The following AKAP14 variants were observed in gnomAD, a reference collection of about 807,000 sequenced individuals.
AKAP14 encodes A-kinase anchoring protein 14.
A neutral mutation model predicts 17.0 loss-of-function variants in AKAP14; 4 were observed. The observed-to-expected ratio is 0.23, with a 90% CI of 0.12 to 0.54. AKAP14 has a LOEUF of 0.54. Ranked by LOEUF, AKAP14 falls within the 20% of genes least tolerant of loss-of-function variation. The probability of loss-of-function intolerance (pLI) is 0.95; values close to 1 mark genes in which losing one functional copy is unlikely to be tolerated. For synonymous variants in AKAP14, 42 were observed against 51.3 expected, an observed-to-expected ratio of 0.82 and a Z score of 0.77; for missense variants, 129 against 150.9, an observed-to-expected ratio of 0.85 and a Z score of 0.76.
intron 6 of AKAP14, 98 bp from the exon 7 acceptor site, chrX:119,920,410 A>G: frequency 1.5e-6 from 1 of 646,411 alleles, no homozygotes; most frequent in Non-Finnish European, 2.3e-6. Context: ...CTTGCTTACT[A>G]GGAATATAAA....
intron 4 of AKAP14, among the ~76,000 whole-genome samples, chrX:119,907,234 G>A (rs1343169208): frequency 9.2e-6 from 1 of 108,182 alleles, no homozygotes; most frequent in African/African-American, 3.4e-5. Context: ...GGGTTCAAGG[G>A]ATTCTCCTGC....
chrX:119,920,544 G>T lies in AKAP14; in HGVS notation c.531G>T (p.Lys177Asn). Reference protein sequence around the residue: ...GMVRFRENWQKNLTDAKYSFM... With the variant: ...GMVRFRENWQNNLTDAKYSFM... ...TTCGCTTTCGAGAAAACTGGCAGAA[G>T]AATCTTACTGATGCCAAATATAGTT... Residue 177 changes from lysine to asparagine, a missense_variant, in exon 7 of 7, where the codon AAG becomes AAT. Coordinates refer to ENST00000371431, the MANE Select transcript of AKAP14 (RefSeq NM_178813.6). The T allele has an allele frequency of 8.3e-7, 1 of 1,209,782 alleles. No homozygotes were observed. The highest frequency in any genetic ancestry group is 1.8e-5 in the South Asian group (1 of 56,776).
chrX:119,915,853 A>G (rs2056654158), intron 5 of AKAP14, among the ~76,000 whole-genome samples: 2 of 111,718 alleles, frequency 1.8e-5, no homozygotes, highest in Admixed American at 9.6e-5. Context: ...CTGGTCCAAG[A>G]CACCATCTTC....
chrX:119,906,832 C>G (rs2147832088), intron 4 of AKAP14, among the ~76,000 whole-genome samples: 1 of 112,369 alleles, frequency 8.9e-6, no homozygotes, highest in African/African-American at 3.2e-5. Flanking sequence ...GTGTGAGCCA[C>G]TGCACCCGGC....
rs549133343 is a variant in AKAP14, at chrX:119,908,284, C to CAAA, written c.261+4714_261+4716dup. ...CCTGGGCAACAGAGTGAGACTCTGT[C>CAAA]AAAAAAAAAAAAAAAAAAGAAGGAT... On this transcript the variant is annotated intron_variant, in intron 4 of 6. Coordinates refer to ENST00000371431, the MANE Select transcript of AKAP14 (RefSeq NM_178813.6). Among the ~76,000 whole-genome samples, 48 of 47,444 alleles carry CAAA rather than the reference C, an allele frequency of 1.0e-3. No individual in the cohort carries two copies. In the East Asian group the frequency reaches 0.022, roughly 21 times the overall value. 41.2% of individuals were successfully genotyped at this position (47,444 alleles called of 115,157 possible). A position where few individuals can be genotyped will look rare whatever the true frequency, so the allele number is the denominator to read the frequency against.
At chrX:119,905,920 C>A (rs1428204423) in intron 4 of AKAP14, among the ~76,000 whole-genome samples, 1 of 111,750 alleles carries the variant, frequency 8.9e-6, no homozygotes, top group Non-Finnish European at 1.9e-5. Context: ...TCTTCCACCC[C>A]CAGACCATAT....
intron 4 of AKAP14, among the ~76,000 whole-genome samples, chrX:119,908,284 C>CAAAA (rs549133343): frequency 6.3e-5 from 3 of 47,469 alleles, no homozygotes; most frequent in African/African-American, 1.3e-4. Context: ...GAGACTCTGT[C>CAAAA]AAAAAAAAAA....
chrX:119,913,147 T>TA lies in AKAP14; in HGVS notation c.262-1549dup, dbSNP rs1310798271. On this transcript the variant is annotated intron_variant, in intron 4 of 6. Coordinates refer to ENST00000371431, the MANE Select transcript of AKAP14 (RefSeq NM_178813.6). ...TAAAATAAATAAATAAATAAATAAA[T>TA]AAATAAAATAAAATAAAATAAAATA... 1.2e-3 allele frequency among the ~76,000 whole-genome samples: 124 copies of TA among 105,291 alleles called. 1 individual carries two copies. Among genetic ancestry groups the TA allele is most frequent in the African/African-American group, 3.6e-3 (103 of 28,510 alleles). 91.4% of individuals were successfully genotyped at this position (105,291 alleles called of 115,157 possible).
At chrX:119,905,381 C>G (rs1413369128) in intron 4 of AKAP14, among the ~76,000 whole-genome samples, 2 of 112,613 alleles carry the variant, frequency 1.8e-5, no homozygotes, top group African/African-American at 3.2e-5. Context: ...CTGTGGAGCA[C>G]TTCTCCATTT....
At chrX:119,898,934 T>C (rs1358138509) in intron 2 of AKAP14, among the ~76,000 whole-genome samples, 1 of 107,127 alleles carries the variant, frequency 9.3e-6, no homozygotes, top group African/African-American at 3.4e-5. Flanking sequence ...TTTGGGAGAC[T>C]GAGGTGGGTG....
At chrX:119,910,033 C>T (rs1289138981) in intron 4 of AKAP14, among the ~76,000 whole-genome samples, 2 of 110,633 alleles carry the variant, frequency 1.8e-5, no homozygotes, top group Admixed American at 9.8e-5. Flanking sequence ...GTGGTGCATG[C>T]CTGTATGTAG....
Position 119,919,941 on chromosome X carries a change from G to A in AKAP14, c.472G>A (p.Asp158Asn), listed in dbSNP as rs1397129249. Residue 158 changes from aspartate to asparagine, a missense_variant, in exon 6 of 7, where the codon GAC becomes AAC. Coordinates refer to ENST00000371431, the MANE Select transcript of AKAP14 (RefSeq NM_178813.6). Reference sequence around the variant, plus strand: ...ACCCATTGTTGTTTCTTATGTAGGTGACCACCAAGCATTAGTTCACAGGTA... The same window carrying A: ...ACCCATTGTTGTTTCTTATGTAGGTAACCACCAAGCATTAGTTCACAGGTA... ...DAPIVVSYVG[D>N]HQALVHRPGM... The A allele has an allele frequency of 8.3e-7, 1 of 1,210,541 alleles. No individual in the cohort carries two copies. Among genetic ancestry groups the A allele is most frequent in the Non-Finnish European group, 1.1e-6 (1 of 894,715 alleles).
At position 119,900,344 on chromosome X, in the gene AKAP14, C is replaced by T. The variant is rs113002848; in HGVS notation, c.-10-2870C>T. On this transcript the variant is annotated intron_variant, in intron 2 of 6. Transcript: ENST00000371431. Reference sequence around the variant, plus strand: ...CTGACCTCAGGTGATCCACCCGCCTCGGCCTCCCAAAGAGCTGGGATTACA... The same window carrying T: ...CTGACCTCAGGTGATCCACCCGCCTTGGCCTCCCAAAGAGCTGGGATTACA... 7.0e-3 allele frequency among the ~76,000 whole-genome samples: 776 copies of T among 110,813 alleles called. 4 individuals carry two copies. Among genetic ancestry groups the T allele is most frequent in the African/African-American group, 0.023 (681 of 29,695 alleles).
chrX:119,899,923 T>G (rs780295879), intron 2 of AKAP14, among the ~76,000 whole-genome samples: 5 of 111,692 alleles, frequency 4.5e-5, no homozygotes, highest in African/African-American at 6.5e-5. Flanking sequence ...GAAGGATTGC[T>G]TGCAACATAC....
chrX:119,914,848 C>T lies in AKAP14; in HGVS notation c.411C>T (p.Phe137=), dbSNP rs2056648444. The T allele has an allele frequency of 8.3e-7, 1 of 1,208,703 alleles. No individual in the cohort carries two copies. The highest frequency in any genetic ancestry group is 1.7e-5 in the African/African-American group (1 of 57,199). ...PVARISAGTY[F]TMKVSKTKPP... ...CACGAATCTCTGCTGGTACCTACTT[C>T]ACCATGAAGGTCTCCAAAACCAAAC... Residue 137 remains phenylalanine (F), a synonymous_variant, in exon 5 of 7, where the codon TTC becomes TTT. Transcript: ENST00000371431.
chrX:119,897,011 T>C (rs186506511), intron 2 of AKAP14, among the ~76,000 whole-genome samples: 20 of 109,812 alleles, frequency 1.8e-4, no homozygotes, highest in African/African-American at 6.6e-4. Flanking sequence ...GATTTTGCCA[T>C]GTTGGCCAGG....
intron 4 of AKAP14, among the ~76,000 whole-genome samples, chrX:119,906,700 A>ATTTATTT (rs776516824): frequency 1.1e-3 from 122 of 110,525 alleles, no homozygotes; most frequent in Admixed American, 0.01. Flanking sequence ...TGCCAGGCCA[A>ATTTATTT]TTTATTTTTT....
chrX:119,897,790 A>G (rs1479555903), intron 2 of AKAP14, among the ~76,000 whole-genome samples: 1 of 111,356 alleles, frequency 9.0e-6, no homozygotes, highest in Non-Finnish European at 1.9e-5. Flanking sequence ...AACTGAGCTT[A>G]AAAATGCCAA....
At chrX:119,908,595 A>G (rs989986428) in intron 4 of AKAP14, among the ~76,000 whole-genome samples, 2 of 112,326 alleles carry the variant, frequency 1.8e-5, no homozygotes, top group Non-Finnish European at 3.8e-5. Flanking sequence ...AACCATGGAT[A>G]ACAGTTTTGT....
Sources: allele counts gnomAD v4.1 joint callset (sites outside exome capture counted in the v4.1 genomes callset), GRCh38; gene constraint gnomAD v4.1.1; transcripts MANE v1.5; gene names NCBI Gene and HGNC (gene_info 2026-07-23, HGNC 2026-07-21).